OTX2: variants seen among roughly 807,000 people sequenced by gnomAD.
OTX2 encodes orthodenticle homeobox 2, also known as homeobox protein OTX2.
In OTX2, 4 loss-of-function variants were observed where a neutral mutation model predicts 29.0. That is an observed-to-expected ratio of 0.14 (90% CI 0.07 to 0.32). OTX2 has a LOEUF of 0.32. Ranked by LOEUF, OTX2 falls within the 10% of genes least tolerant of loss-of-function variation. OTX2 has a pLI of 1.00. For synonymous variants in OTX2, 134 were observed against 141.0 expected, an observed-to-expected ratio of 0.95 and a Z score of 0.35; for missense variants, 298 against 365.9, an observed-to-expected ratio of 0.81 and a Z score of 1.51.
intron 2 of OTX2, among the ~76,000 whole-genome samples, chr14:56,808,826 A>C (rs2139544618): frequency 6.6e-6 from 1 of 152,336 alleles, no homozygotes; most frequent in East Asian, 1.9e-4. Context: ...TGAAGGAAGC[A>C]AAAGCCAACT....
rs769992556 is a variant in OTX2, at chr14:56,802,392, A to G, written c.274-37T>C. On this transcript the variant is annotated intron_variant, in intron 4 of 4. Coordinates refer to ENST00000672264, the MANE Select transcript of OTX2 (RefSeq NM_021728.4). This position sits in a 1 kb window ranked among gnomAD's most constrained non-coding sequence, Gnocchi z 4.4. ...AAGAAAATTCTTTAACTCGGTTTTG[A>G]TAGTTCCTTAAGGACAAGAATGGCT... is the stretch of plus-strand genomic sequence containing the variant. 1.9e-6 allele frequency: 3 copies of G among 1,611,570 alleles called. No individual in the cohort carries two copies. The highest frequency in any genetic ancestry group is 2.2e-5 in the East Asian group (1 of 44,874).
Position 56,800,049 on chromosome 14 carries a change from T to C in OTX2, c.*1686A>G, listed in dbSNP as rs1891822924. The C allele has an allele frequency of 6.6e-6, 1 of 152,208 alleles. No homozygotes were observed. 9.4% of individuals were successfully genotyped at this position (152,208 alleles called of 1,614,324 possible). ...CCATGATCATTGGCCCATTTGTCTT[T>C]TCTGGTGACTGGTTTACAAAATGCA... On this transcript the variant is annotated 3_prime_UTR_variant, in exon 5 of 5. Transcript: ENST00000672264.
At position 56,802,299 on chromosome 14, in the gene OTX2, A is replaced by G. The variant is rs778304481; in HGVS notation, c.330T>C (p.Asn110=). The change falls in exon 5 of 5, where the codon AAT becomes AAC. Residue 110 remains asparagine, a synonymous_variant. Coordinates refer to ENST00000672264, the MANE Select transcript of OTX2 (RefSeq NM_021728.4). This position sits in a 1 kb window ranked among gnomAD's most constrained non-coding sequence, Gnocchi z 4.4. The part of the protein sequence containing the change: ...KCRQQQQQQQ[N]GGQNKVRPAK... ...CAGGTCTCACTTTGTTTTGACCTCC[A>G]TTCTGCTGTTGTTGCTGTTGTTGGC... The G allele has an allele frequency of 6.2e-7, 1 of 1,614,184 alleles. No individual in the cohort carries two copies. The highest frequency in any genetic ancestry group is 1.3e-5 in the African/African-American group (1 of 75,052).
rs1345655568 is a variant in OTX2 at position 56,802,660 on chromosome 14, C to A, written c.274-305G>T. On this transcript the variant is annotated intron_variant, in intron 4 of 4. Coordinates refer to ENST00000672264, the MANE Select transcript of OTX2 (RefSeq NM_021728.4). This position sits in a 1 kb window ranked among gnomAD's most constrained non-coding sequence, Gnocchi z 4.4. ...CTTTCCTATCTTATTTCGCCTCTAACACACACATACACATAGACCCAGCTA... is the reference window on the plus strand; with the variant it reads ...CTTTCCTATCTTATTTCGCCTCTAAAACACACATACACATAGACCCAGCTA... Among the ~76,000 whole-genome samples the A allele has an allele frequency of 6.6e-6, 1 of 152,194 alleles. No individual in the cohort carries two copies. Among genetic ancestry groups the A allele is most frequent in the Non-Finnish European group, 1.5e-5 (1 of 68,040 alleles).
rs1891878149 is a variant in OTX2 at position 56,801,604 on chromosome 14, C to T, written c.*131G>A. The T allele has an allele frequency of 2.8e-6, 3 of 1,063,600 alleles. No individual in the cohort carries two copies. Among genetic ancestry groups the T allele is most frequent in the Non-Finnish European group, 4.3e-6 (3 of 697,116 alleles). 65.9% of individuals were successfully genotyped at this position (1,063,600 alleles called of 1,614,324 possible). On this transcript the variant is annotated 3_prime_UTR_variant, in exon 5 of 5. Coordinates refer to ENST00000672264, the MANE Select transcript of OTX2 (RefSeq NM_021728.4). This position sits in a 1 kb window ranked among gnomAD's most constrained non-coding sequence, Gnocchi z 4.2. ...AAGGCCCTTCGTTTTTCCTTCTATG[C>T]CTCTCGGAACTTTGATCAGATGAGT...
intron 2 of OTX2, among the ~76,000 whole-genome samples, chr14:56,805,831 C>T (rs1324182910): frequency 2.0e-5 from 2 of 99,958 alleles, no homozygotes; most frequent in Non-Finnish European, 4.0e-5. Context: ...AAAAAAAGTA[C>T]CCGAAGAAAG....
At position 56,804,652 on chromosome 14, in the gene OTX2, C is replaced by T. The variant is rs1892015079; in HGVS notation, c.98-289G>A. ...CACAAAAAAGTTCTCCAAGATCAAC[C>T]CCCAAACCACAACACAAAAAGGCTA... On this transcript the variant is annotated intron_variant, in intron 3 of 4. Transcript: ENST00000672264. The surrounding 1 kb of genome is among the most constrained non-coding windows in gnomAD (Gnocchi z 4.1). Among the ~76,000 whole-genome samples the T allele has an allele frequency of 6.6e-6, 1 of 152,132 alleles. No homozygotes were observed. Among genetic ancestry groups the T allele is most frequent in the Admixed American group, 6.5e-5 (1 of 15,270 alleles).
intron 2 of OTX2, among the ~76,000 whole-genome samples, chr14:56,809,568 G>A (rs1402781171): frequency 6.6e-6 from 1 of 152,182 alleles, no homozygotes; most frequent in African/African-American, 2.4e-5. Flanking sequence ...TATCCGCTCC[G>A]GTTTCCGCTC....
At position 56,803,247 on chromosome 14, in the gene OTX2, G is replaced by A. The variant is rs148437104; in HGVS notation, c.274-892C>T. ...TTTTCTGGAGGACAAATCCTTAGCTGAACTTTTGAATGAGCTCTCTGTATG... is the reference window on the plus strand; with the variant it reads ...TTTTCTGGAGGACAAATCCTTAGCTAAACTTTTGAATGAGCTCTCTGTATG... On this transcript the variant is annotated intron_variant, in intron 4 of 4. Coordinates refer to ENST00000672264, the MANE Select transcript of OTX2 (RefSeq NM_021728.4). Among the ~76,000 whole-genome samples, 648 of 152,356 alleles carry A rather than the reference G, an allele frequency of 4.3e-3. 2 individuals are homozygous for A. The highest frequency in any genetic ancestry group is 0.022 in the South Asian group (104 of 4,828).
chr14:56,805,623 G>A, intron 2 of OTX2, 48 bp from the exon 3 acceptor site: 1 of 647,766 alleles, frequency 1.5e-6, no homozygotes, highest in Non-Finnish European at 2.8e-6. Context: ...TTACTGCTTC[G>A]GAGGCAGCAG....
intron 2 of OTX2, among the ~76,000 whole-genome samples, chr14:56,806,904 C>A (rs961457372): frequency 5.9e-5 from 9 of 152,128 alleles, no homozygotes; most frequent in African/African-American, 2.2e-4. Context: ...ATGCAAGGAT[C>A]TCTACTTTGA....
chr14:56,801,628 G>T lies in OTX2; in HGVS notation c.*107C>A. The stretch of plus-strand genomic sequence containing the variant: ...GCCTCTCGGAACTTTGATCAGATGA[G>T]TCTGAGCATCATCCCATCTAACTCT... On this transcript the variant is annotated 3_prime_UTR_variant, in exon 5 of 5. Transcript: ENST00000672264. The surrounding 1 kb of genome is among the most constrained non-coding windows in gnomAD (Gnocchi z 4.2). The T allele has an allele frequency of 7.7e-7, 1 of 1,300,112 alleles. No individual in the cohort carries two copies. Among genetic ancestry groups the T allele is most frequent in the Non-Finnish European group, 1.1e-6 (1 of 899,900 alleles). The allele number at this position is 1,300,112 out of a possible 1,614,324, so 80.5% of individuals were successfully genotyped here.
chr14:56,802,315 T>A lies in OTX2; in HGVS notation c.314A>T (p.Gln105Leu), dbSNP rs2139529308. The A allele has an allele frequency of 6.2e-7, 1 of 1,614,236 alleles. No individual in the cohort carries two copies. The highest frequency in any genetic ancestry group is 2.2e-5 in the East Asian group (1 of 44,888). The part of the protein sequence containing the change: ...KNRRAKCRQQ[Q>L]QQQQNGGQNK... ...TTGACCTCCATTCTGCTGTTGTTGC[T>A]GTTGTTGGCGGCACTTAGCTCTTCG... Residue 105 changes from glutamine (Q) to leucine (L), a missense_variant, in exon 5 of 5, where the codon CAG becomes CTG. Physicochemically the swap from Gln to Leu is moderately radical, Grantham distance 113. Around this residue, in one of 3 missense-constraint regions of OTX2, gnomAD observed 29 missense variants for 84.7 expected, o/e 0.34. Coordinates refer to ENST00000672264, the MANE Select transcript of OTX2 (RefSeq NM_021728.4). This position sits in a 1 kb window ranked among gnomAD's most constrained non-coding sequence, Gnocchi z 4.4.
chr14:56,801,034 A>T lies in OTX2; in HGVS notation c.*701T>A, dbSNP rs1891855591. The T allele has an allele frequency of 6.5e-6, 1 of 153,798 alleles. No homozygotes were observed. Among genetic ancestry groups the T allele is most frequent in the South Asian group, 2.0e-4 (1 of 4,894 alleles). The allele number at this position is 153,798 out of a possible 1,614,324, so 9.5% of individuals were successfully genotyped here. ...TACTCAGTTGCTCTGAATTTTGCTT[A>T]TAATTATAACCTATTTAATCACAGA... On this transcript the variant is annotated 3_prime_UTR_variant, in exon 5 of 5. Coordinates refer to ENST00000672264, the MANE Select transcript of OTX2 (RefSeq NM_021728.4). The surrounding 1 kb of genome is among the most constrained non-coding windows in gnomAD (Gnocchi z 4.2).
chr14:56,809,323 G>T (rs1892197862), intron 2 of OTX2, among the ~76,000 whole-genome samples: 1 of 152,252 alleles, frequency 6.6e-6, no homozygotes, highest in Admixed American at 6.5e-5. Context: ...CGTTCGCTCG[G>T]CCTGGTGACC....
chr14:56,806,413 A>G (rs1892091722), intron 2 of OTX2, among the ~76,000 whole-genome samples: 1 of 152,250 alleles, frequency 6.6e-6, no homozygotes, highest in Admixed American at 6.5e-5. Context: ...AGCATATTCC[A>G]AAAAAGTCTT....
At position 56,804,883 on chromosome 14, in the gene OTX2, C is replaced by T. The variant is rs1892024716; in HGVS notation, c.97+477G>A. 6.6e-6 allele frequency among the ~76,000 whole-genome samples: 1 copy of T among 152,056 alleles called. No homozygotes were observed. The highest frequency in any genetic ancestry group is 2.1e-4 in the South Asian group (1 of 4,824). On this transcript the variant is annotated intron_variant, in intron 3 of 4. Transcript: ENST00000672264. The surrounding 1 kb of genome is among the most constrained non-coding windows in gnomAD (Gnocchi z 4.1). ...CCCGCATTTGGAGGAAGTCACGCCTCTTGGGATTAAAGCAGGCTCTGGAGG... is the reference window on the plus strand; with the variant it reads ...CCCGCATTTGGAGGAAGTCACGCCTTTTGGGATTAAAGCAGGCTCTGGAGG...
rs964796364 is a variant in OTX2 at position 56,801,784 on chromosome 14, C to G, written c.845G>C (p.Cys282Ser). Residue 282 changes from cysteine (C) to serine (S), a missense_variant, in exon 5 of 5, where the codon TGC (cysteine) becomes TCC (serine). Transcript: ENST00000672264. The surrounding 1 kb of genome is among the most constrained non-coding windows in gnomAD (Gnocchi z 4.2). The stretch of plus-strand genomic sequence containing the variant: ...GGATGTCTGATCTTTATAATCCAAG[C>G]AGTCAGCATTGAAGTTAAGCTTCCA... ...ASWKLNFNADCLDYKDQTSSW... is the reference protein window; with the variant it reads ...ASWKLNFNADSLDYKDQTSSW... 1 of 1,614,060 alleles carries G rather than the reference C, an allele frequency of 6.2e-7. No individual in the cohort carries two copies. The highest frequency in any genetic ancestry group is 1.3e-5 in the African/African-American group (1 of 74,918).
At chr14:56,803,085 C>T in intron 4 of OTX2, among the ~76,000 whole-genome samples, 1 of 152,248 alleles carries the variant, frequency 6.6e-6, no homozygotes, top group Non-Finnish European at 1.5e-5. Context: ...ACTCAGTCTC[C>T]TGTGCTGTGT....
Sources: gnomAD v4.1 joint callset for allele counts (sites outside exome capture counted in the v4.1 genomes callset) on GRCh38, gnomAD v4.1.1 for gene constraint, gnomAD v4.1.1 regional missense constraint, Gnocchi (gnomAD v3.1) non-coding constraint, MANE v1.5 for transcripts, NCBI Gene and HGNC (gene_info 2026-07-23, HGNC 2026-07-21) for gene names.